The following AP2A2 variants were observed in gnomAD, a reference collection of about 807,000 sequenced individuals.
AP2A2 encodes adaptor related protein complex 2 subunit alpha 2, also known as AP-2 complex subunit alpha-2.
In AP2A2, 32 loss-of-function variants were observed where a neutral mutation model predicts 104.2. That is an observed-to-expected ratio of 0.31 (90% CI 0.23 to 0.41). The LOEUF (loss-of-function observed/expected upper bound fraction) is 0.41, where lower values mean the gene tolerates loss of function less well. Ranked by LOEUF, AP2A2 falls within the 10% of genes least tolerant of loss-of-function variation. AP2A2 has a pLI of 1.00. For missense variants in AP2A2, 912 were observed against 1,261.0 expected (o/e 0.72, Z 4.19); for synonymous variants, 539 against 533.3 (o/e 1.01, Z -0.15).
chr11:1,006,127 C>A (rs867328970), intron 16 of AP2A2, among the ~76,000 whole-genome samples: 1 of 152,196 alleles, frequency 6.6e-6, no homozygotes, highest in Non-Finnish European at 1.5e-5. Context: ...GGGGCGGGGC[C>A]GGCAGAGGCC....
intron 5 of AP2A2, among the ~76,000 whole-genome samples, chr11:978,850 G>A (rs1855142422): frequency 6.6e-6 from 1 of 152,214 alleles, no homozygotes; most frequent in African/African-American, 2.4e-5. Context: ...GGACCAGGTG[G>A]GTGAGGGTCA....
chr11:967,614 C>T (rs1854664136), intron 2 of AP2A2, among the ~76,000 whole-genome samples: 1 of 152,238 alleles, frequency 6.6e-6, no homozygotes, highest in East Asian at 1.9e-4. Flanking sequence ...CCTGCCTCAG[C>T]CTCCCAAAGT....
At position 1,008,076 on chromosome 11, in the gene AP2A2, G is replaced by A. The variant is rs1417596293; in HGVS notation, c.2361G>A (p.Val787=). 1 of 1,600,760 alleles carries A rather than the reference G, an allele frequency of 6.2e-7. No homozygotes were observed. The highest frequency in any genetic ancestry group is 1.7e-5 in the Admixed American group (1 of 58,306). ...TVEGGAQVQQ[V]VNIECVSDFT... is the part of the protein sequence containing the mutation. ...AGGGGGGCGCGCAGGTGCAGCAGGT[G>A]GTCAACATAGAGTGCGTGTCCGACT... is the stretch of plus-strand genomic sequence containing the variant. Residue 787 remains valine, a synonymous_variant, in exon 18 of 22, where the codon GTG becomes GTA. Transcript: ENST00000448903.
chr11:949,350 G>A (rs1317144450), intron 1 of AP2A2, among the ~76,000 whole-genome samples: 2 of 152,046 alleles, frequency 1.3e-5, no homozygotes, highest in East Asian at 3.9e-4. Context: ...ATTCTATAAG[G>A]CCAGTATTAT....
At chr11:986,481 C>T (rs973659016) in intron 8 of AP2A2, among the ~76,000 whole-genome samples, 1 of 152,190 alleles carries the variant, frequency 6.6e-6, no homozygotes, top group Non-Finnish European at 1.5e-5. Flanking sequence ...ACAGCTTGAC[C>T]GGCCTCCCGC....
intron 20 of AP2A2, 76 bp from the exon 21 acceptor site, chr11:1,009,607 C>G: frequency 1.7e-6 from 2 of 1,172,666 alleles, no homozygotes. Flanking sequence ...GCGCCAGGGT[C>G]TGGAGGGGCG....
chr11:926,063 G>C lies in AP2A2; in HGVS notation c.42G>C (p.Ala14=), dbSNP rs1360176933. The change falls in exon 1 of 22, where the codon GCG becomes GCC. Residue 14 remains alanine, a synonymous_variant. Coordinates refer to ENST00000448903, the MANE Select transcript of AP2A2 (RefSeq NM_012305.4). ...VSKGDGMRGL[A]VFISDIRNCK... is the part of the protein sequence containing the mutation. ...AGGGGGACGGGATGCGGGGCCTGGC[G>C]GTCTTCATCTCGGATATCCGCAACT... is the stretch of plus-strand genomic sequence containing the variant. 7 of 1,376,816 alleles carry C rather than the reference G, an allele frequency of 5.1e-6. No homozygotes were observed. The highest frequency in any genetic ancestry group is 6.6e-6 in the Non-Finnish European group (7 of 1,054,510). The allele number at this position is 1,376,816 out of a possible 1,614,324, so 85.3% of individuals were successfully genotyped here.
chr11:992,601 G>A lies in AP2A2; in HGVS notation c.1368G>A (p.Val456=). 1 of 1,613,972 alleles carries A rather than the reference G, an allele frequency of 6.2e-7. No homozygotes were observed. The highest frequency in any genetic ancestry group is 8.5e-7 in the Non-Finnish European group (1 of 1,179,892). Residue 456 remains valine, a synonymous_variant, in exon 11 of 22, where the codon GTG becomes GTA. Transcript: ENST00000448903. This position sits in a 1 kb window ranked among gnomAD's most constrained non-coding sequence, Gnocchi z 6.4. ...LNLIRIAGDY[V]SEEVWYRVIQ... Reference sequence around the variant, plus strand: ...TGATCCGAATTGCTGGTGATTACGTGAGTGAAGAGGTGTGGTACCGAGTCA... The same window carrying A: ...TGATCCGAATTGCTGGTGATTACGTAAGTGAAGAGGTGTGGTACCGAGTCA...
rs1590030641 is a variant in AP2A2, at chr11:1,011,968, C to G, written c.*1343C>G. 6.2e-6 allele frequency: 1 copy of G among 161,454 alleles called. No individual in the cohort carries two copies. The highest frequency in any genetic ancestry group is 1.8e-4 in the South Asian group (1 of 5,650). The allele number at this position is 161,454 out of a possible 1,614,324, so 10.0% of individuals were successfully genotyped here. A position where few individuals can be genotyped will look rare whatever the true frequency, so the allele number is the denominator to read the frequency against. ...GCCTCTCGCACAGGCCATTCTGGGT[C>G]TGGTGGTGCCAGGTGCCGTGACACG... On this transcript the variant is annotated 3_prime_UTR_variant, in exon 22 of 22. Transcript: ENST00000448903.
rs11246371 is a variant in AP2A2 at position 983,529 on chromosome 11, C to T, written c.706-1116C>T. On this transcript the variant is annotated intron_variant, in intron 6 of 21. Transcript: ENST00000448903. ...TCTCGAGTAGCTGGGACTACAGGCG[C>T]CCGCCACCATGCCTGGCTAATTTTT... 9.2e-5 allele frequency among the ~76,000 whole-genome samples: 14 copies of T among 151,668 alleles called. No homozygotes were observed. In the East Asian group the frequency reaches 1.6e-3, roughly 17 times the overall value.
chr11:954,504 G>C (rs2134541638), intron 1 of AP2A2, among the ~76,000 whole-genome samples: 1 of 152,176 alleles, frequency 6.6e-6, no homozygotes, highest in East Asian at 1.9e-4. Flanking sequence ...TTGTATTTGT[G>C]TTTGTGTACG....
At position 992,676 on chromosome 11, in the gene AP2A2, T is replaced by G. The variant is rs1477129842; in HGVS notation, c.1443T>G (p.Thr481=). ...ACGTGCAGGGCTACGCGGCCAAGAC[T>G]GTGTTCGAGGTATGGCCCGCAGGAT... ...RDDVQGYAAK[T]VFEALQAPAC... is the part of the protein sequence containing the mutation. The change falls in exon 11 of 22, where the codon ACT becomes ACG. Residue 481 remains threonine, a synonymous_variant. Coordinates refer to ENST00000448903, the MANE Select transcript of AP2A2 (RefSeq NM_012305.4). This position sits in a 1 kb window ranked among gnomAD's most constrained non-coding sequence, Gnocchi z 6.4. The G allele has an allele frequency of 1.2e-6, 2 of 1,613,830 alleles. No homozygotes were observed. Among genetic ancestry groups the G allele is most frequent in the Non-Finnish European group, 1.7e-6 (2 of 1,179,858 alleles).
rs761668937 is a variant in AP2A2 at position 1,011,411 on chromosome 11, T to A, written c.*786T>A. 1.8e-5 allele frequency: 9 copies of A among 510,914 alleles called. No individual in the cohort carries two copies. The highest frequency in any genetic ancestry group is 1.1e-4 in the South Asian group (8 of 70,612). 31.6% of individuals were successfully genotyped at this position (510,914 alleles called of 1,614,324 possible). ...TGTGCTCGTCTCTTTCCTGTCAGAG[T>A]GGGCGTCCCCAGGCCACGGTGCAGG... On this transcript the variant is annotated 3_prime_UTR_variant, in exon 22 of 22. Coordinates refer to ENST00000448903, the MANE Select transcript of AP2A2 (RefSeq NM_012305.4).
At chr11:939,373 A>C (rs970153548) in intron 1 of AP2A2, among the ~76,000 whole-genome samples, 11 of 152,160 alleles carry the variant, frequency 7.2e-5, no homozygotes, top group African/African-American at 2.2e-4. Flanking sequence ...ATTTACTTTA[A>C]GAATGATTGC....
chr11:932,196 A>G (rs1589939563), intron 1 of AP2A2, among the ~76,000 whole-genome samples: 1 of 152,140 alleles, frequency 6.6e-6, no homozygotes, highest in Non-Finnish European at 1.5e-5. Context: ...CAAGTGATCC[A>G]CCTGCCTCGG....
intron 1 of AP2A2, among the ~76,000 whole-genome samples, chr11:937,992 C>T (rs1458370181): frequency 1.3e-5 from 2 of 152,204 alleles, no homozygotes; most frequent in African/African-American, 4.8e-5. Context: ...GCCTGGAGCA[C>T]CAGGCAGCCA....
At chr11:1,003,653 T>C (rs1856101886) in intron 15 of AP2A2, 69 bp from the exon 16 acceptor site, 1 of 1,077,670 alleles carries the variant, frequency 9.3e-7, no homozygotes. Context: ...TGAGTTTTTT[T>C]CCAGAACAAA....
intron 14 of AP2A2, 86 bp downstream of exon 14, chr11:994,331 A>AG: frequency 6.5e-7 from 1 of 1,532,488 alleles, no homozygotes; most frequent in Non-Finnish European, 8.9e-7. Flanking sequence ...CCTGTCAGGG[A>AG]GGAGCATGTA....
intron 1 of AP2A2, among the ~76,000 whole-genome samples, chr11:939,184 G>C (rs1853562843): frequency 6.7e-6 from 1 of 149,840 alleles, no homozygotes; most frequent in Non-Finnish European, 1.5e-5. Flanking sequence ...CCGGGAGGTG[G>C]AGGTTGCAGT....
Sources: allele counts gnomAD v4.1 joint callset (sites outside exome capture counted in the v4.1 genomes callset), GRCh38; gene constraint gnomAD v4.1.1; non-coding constraint Gnocchi (gnomAD v3.1); transcripts MANE v1.5; gene names NCBI Gene and HGNC (gene_info 2026-07-23, HGNC 2026-07-21).